The following CEP63 variants were observed in gnomAD, a reference collection of about 807,000 sequenced individuals.
CEP63 encodes centrosomal protein of 63 kDa.
CEP63 carries 84 observed loss-of-function variants against 89.1 expected under a neutral mutation model. The observed-to-expected ratio is 0.94, with a 90% CI of 0.79 to 1.13. The LOEUF is 1.13. Ranked by LOEUF, CEP63 falls within the 50% of genes most tolerant of loss-of-function variation. The pLI is 0.00. For synonymous variants in CEP63, 267 were observed against 272.5 expected, an observed-to-expected ratio of 0.98 and a Z score of 0.20; for missense variants, 838 against 813.3, an observed-to-expected ratio of 1.03 and a Z score of -0.37.
chr3:134,634,318 G>A, the CEP63 span, among the ~76,000 whole-genome samples: 6 of 151,986 alleles, frequency 3.9e-5, no homozygotes, highest in East Asian at 5.8e-4. Context: ...AAAAAAAGAT[G>A]GGAGGACTCC....
chr3:134,564,707 GTGCATTGCTGT>G lies in CEP63; in HGVS notation c.*3174_*3184del. The G allele has an allele frequency of 1.0e-6, 1 of 985,412 alleles. No homozygotes were observed. The highest frequency in any genetic ancestry group is 1.2e-6 in the Non-Finnish European group (1 of 829,914). 61.0% of individuals were successfully genotyped at this position (985,412 alleles called of 1,614,324 possible). ...TTGCAGTTTTAAGTACTGTACCTAT[GTGCATTGCTGT>G]TACATTCAGGAGATTTCTGAGTTTT... On this transcript the variant is annotated 3_prime_UTR_variant, in exon 15 of 15. Coordinates refer to ENST00000675561, the MANE Select transcript of CEP63 (RefSeq NM_001353108.3).
At chr3:134,552,920 A>C (rs2109921059) in intron 12 of CEP63, 1 of 152,202 alleles carries the variant, frequency 6.6e-6, no homozygotes, top group South Asian at 2.1e-4. Flanking sequence ...ATCTAGTAGC[A>C]AGGATAAGAA....
At chr3:134,722,109 T>G in the CEP63 span, among the ~76,000 whole-genome samples, 1 of 152,178 alleles carries the variant, frequency 6.6e-6, no homozygotes, top group African/African-American at 2.4e-5. Flanking sequence ...CTTGGGCTGT[T>G]CTTTTTGGGA....
At chr3:134,518,988 G>C (rs563424325) in intron 3 of CEP63, among the ~76,000 whole-genome samples, 1 of 151,866 alleles carries the variant, frequency 6.6e-6, no homozygotes, top group Non-Finnish European at 1.5e-5. Flanking sequence ...AATAGTAAAG[G>C]GGTTATAAAA....
At chr3:134,577,743 C>G (rs140099383), downstream of CEP63, among the ~76,000 whole-genome samples, 1 of 152,128 alleles carries the variant, frequency 6.6e-6, no homozygotes, top group African/African-American at 2.4e-5. Flanking sequence ...AATGCATTAG[C>G]TGTTTGTCCT....
intron 5 of CEP63, chr3:134,536,711 A>G (rs542161816): frequency 4.2e-6 from 1 of 238,686 alleles, no homozygotes; most frequent in South Asian, 5.5e-5. Context: ...TGGGTTACCA[A>G]GGGACTTATC....
chr3:134,607,365 C>G, the CEP63 span: 1 of 985,414 alleles, frequency 1.0e-6, no homozygotes, highest in Non-Finnish European at 1.2e-6. Context: ...CTGTGCTCCC[C>G]GCTGCCCCAT....
chr3:134,661,401 C>G, the CEP63 span, among the ~76,000 whole-genome samples: 1 of 152,208 alleles, frequency 6.6e-6, no homozygotes, highest in African/African-American at 2.4e-5. Context: ...CTCCCCCATT[C>G]CCATCCAATT....
the CEP63 span, among the ~76,000 whole-genome samples, chr3:134,742,556 C>T: frequency 6.6e-6 from 1 of 152,172 alleles, no homozygotes. Flanking sequence ...ATTTGTAGTT[C>T]TCATGAGTAA....
At chr3:134,593,225 C>CT in the CEP63 span, among the ~76,000 whole-genome samples, 1 of 152,224 alleles carries the variant, frequency 6.6e-6, no homozygotes. Flanking sequence ...TTTTGGATTC[C>CT]TTAGGGAACA....
the CEP63 span, among the ~76,000 whole-genome samples, chr3:134,690,046 A>G: frequency 6.6e-6 from 1 of 152,238 alleles, no homozygotes; most frequent in African/African-American, 2.4e-5. Flanking sequence ...GGTTAGAATC[A>G]GGTAATAAGG....
At chr3:134,627,592 C>A in the CEP63 span, among the ~76,000 whole-genome samples, 1 of 152,174 alleles carries the variant, frequency 6.6e-6, no homozygotes, top group East Asian at 1.9e-4. Context: ...GTGTCCATGG[C>A]AGACATTGCT....
At chr3:134,549,934 C>A in intron 10 of CEP63, 129 bp from the exon 11 acceptor site, 2 of 753,466 alleles carry the variant, frequency 2.7e-6, no homozygotes, top group Non-Finnish European at 2.2e-6. Context: ...AATTTTTCTG[C>A]AGATTTAATT....
At chr3:134,608,176 G>C in the CEP63 span, 2 of 1,168,120 alleles carry the variant, frequency 1.7e-6, no homozygotes, top group East Asian at 1.2e-4. Context: ...ATTCTCTCCA[G>C]CAGGAGTTGG....
the CEP63 span, among the ~76,000 whole-genome samples, chr3:134,652,656 ACG>A: frequency 0.22 from 32,308 of 148,088 alleles, 3,866 homozygotes; most frequent in Non-Finnish European, 0.28. Flanking sequence ...ACACACACAC[ACG>A]CGCGCGCGCA....
chr3:134,778,628 T>G, the CEP63 span, among the ~76,000 whole-genome samples: 15 of 151,958 alleles, frequency 9.9e-5, no homozygotes, highest in African/African-American at 3.1e-4. Flanking sequence ...GCGCAATCTC[T>G]GCTCACTGCA....
At position 134,495,279 on chromosome 3, in the gene CEP63, AT is replaced by A. The variant is rs764633202; in HGVS notation, c.-25-10del. 3.8e-6 allele frequency: 6 copies of A among 1,582,800 alleles called. No homozygotes were observed. Among genetic ancestry groups the A allele is most frequent in the East Asian group, 2.2e-5 (1 of 44,652 alleles). Reference sequence around the variant, plus strand: ...AGAAATGAATTGTCTCATGACTGATATTTTTTTCTTTGTCAGTTGCCAAAAC... The same window carrying A: ...AGAAATGAATTGTCTCATGACTGATATTTTTTCTTTGTCAGTTGCCAAAAC... On this transcript the variant is annotated splice_polypyrimidine_tract_variant and intron_variant, in intron 1 of 14. Coordinates refer to ENST00000675561, the MANE Select transcript of CEP63 (RefSeq NM_001353108.3).
chr3:134,687,454 C>G, the CEP63 span, among the ~76,000 whole-genome samples: 2 of 152,152 alleles, frequency 1.3e-5, no homozygotes, highest in Non-Finnish European at 2.9e-5. Flanking sequence ...GGAGATAGCA[C>G]CATTCTTATT....
chr3:134,740,257 ATTCTT>A, the CEP63 span, among the ~76,000 whole-genome samples: 2 of 147,714 alleles, frequency 1.4e-5, no homozygotes, highest in Non-Finnish European at 3.0e-5. Context: ...AGGAGCACTT[ATTCTT>A]TTCTTTTATT....
Sources: allele counts gnomAD v4.1 joint callset (sites outside exome capture counted in the v4.1 genomes callset), GRCh38; gene constraint gnomAD v4.1.1; transcripts MANE v1.5; gene names NCBI Gene and HGNC (gene_info 2026-07-23, HGNC 2026-07-21).